The following THY1 variants were observed in gnomAD, a reference collection of about 807,000 sequenced individuals.
THY1 encodes Thy-1 cell surface antigen, also known as thy-1 membrane glycoprotein.
In THY1, 10 loss-of-function variants were observed where a neutral mutation model predicts 14.9. The ratio of observed to expected loss-of-function variants is 0.67; its 90% CI spans 0.41 to 1.14. The LOEUF is 1.14. Among genes scored for constraint, THY1 ranks in the 50% most tolerant of loss-of-function variants. The probability of loss-of-function intolerance (pLI) is 0.00; values close to 1 mark genes in which losing one functional copy is unlikely to be tolerated. For missense variants in THY1, 159 were observed against 202.1 expected (o/e 0.79, Z 1.29); for synonymous variants, 80 against 90.0 (o/e 0.89, Z 0.63).
Position 119,417,241 on chromosome 11 carries a change from C to T in THY1, c.*2167G>A. The T allele has an allele frequency of 6.6e-6, 1 of 152,454 alleles. No homozygotes were observed. The highest frequency in any genetic ancestry group is 1.5e-5 in the Non-Finnish European group (1 of 68,150). 9.4% of individuals were successfully genotyped at this position (152,454 alleles called of 1,614,324 possible). On this transcript the variant is annotated 3_prime_UTR_variant, in exon 4 of 4. Transcript: ENST00000284240. ...CTCCCCTTGGAGAGCTCTGGGCTGG[C>T]AGCATCTTGCTAAGGGGTTGTCAGC... is the stretch of plus-strand genomic sequence containing the variant.
rs1047395510 is a variant in THY1 at position 119,419,477 on chromosome 11, G to A, written c.417C>T (p.Asn139=). 3 of 1,613,820 alleles carry A rather than the reference G, an allele frequency of 1.9e-6. No individual in the cohort carries two copies. Among genetic ancestry groups the A allele is most frequent in the Admixed American group, 1.7e-5 (1 of 60,028 alleles). Residue 139 remains asparagine (N), a synonymous_variant, in exon 4 of 4, where the codon AAC becomes AAT. Transcript: ENST00000284240. Reference sequence around the variant, plus strand: ...GCAGGAGCAGCAGCAGCCACGAGGTGTTCTGAGCCAGCAGGCTGATGCCCT... The same window carrying A: ...GCAGGAGCAGCAGCAGCCACGAGGTATTCTGAGCCAGCAGGCTGATGCCCT... ...KCEGISLLAQ[N]TSWLLLLLLS...
chr11:119,419,184 A>G lies in THY1; in HGVS notation c.*224T>C. The G allele has an allele frequency of 1.8e-6, 1 of 561,322 alleles. No individual in the cohort carries two copies. The highest frequency in any genetic ancestry group is 3.3e-6 in the Non-Finnish European group (1 of 298,582). The allele number at this position is 561,322 out of a possible 1,614,324, so 34.8% of individuals were successfully genotyped here. On this transcript the variant is annotated 3_prime_UTR_variant, in exon 4 of 4. Transcript: ENST00000284240. ...ATAAACCAGACAGAAGCAGCTCTGG[A>G]ACAAAAAGTACAAAAAGACAGCCAG... is the stretch of plus-strand genomic sequence containing the variant.
rs1214558161 is a variant in THY1 at position 119,417,987 on chromosome 11, C to T, written c.*1421G>A. 1 of 152,214 alleles carries T rather than the reference C, an allele frequency of 6.6e-6. No individual in the cohort carries two copies. Among genetic ancestry groups the T allele is most frequent in the Non-Finnish European group, 1.5e-5 (1 of 68,064 alleles). The allele number at this position is 152,214 out of a possible 1,614,324, so 9.4% of individuals were successfully genotyped here. A position where few individuals can be genotyped will look rare whatever the true frequency, so the allele number is the denominator to read the frequency against. On this transcript the variant is annotated 3_prime_UTR_variant, in exon 4 of 4. Transcript: ENST00000284240. The stretch of plus-strand genomic sequence containing the variant: ...TTCGTTTATTTGGGCAAATGTGTCT[C>T]GTTAGGGTCATTCTGAAAAGAAGCC...
chr11:119,423,299 G>C, upstream of THY1: 2 of 335,204 alleles, frequency 6.0e-6, no homozygotes, highest in Admixed American at 4.0e-5. Context: ...GGGGGGTGGG[G>C]AAGGAAGAGA....
rs1046325637 is a variant in THY1, at chr11:119,416,462, C to T, written c.*2946G>A. Among the ~76,000 whole-genome samples, 2 of 152,102 alleles carry T rather than the reference C, an allele frequency of 1.3e-5. No homozygotes were observed. Among genetic ancestry groups the T allele is most frequent in the Non-Finnish European group, 2.9e-5 (2 of 68,006 alleles). Reference sequence around the variant, plus strand: ...CTCCCAGTCCTCAGCATGGTCATTCCGGGTAGGTTTATTTTATTTTTTATT... The same window carrying T: ...CTCCCAGTCCTCAGCATGGTCATTCTGGGTAGGTTTATTTTATTTTTTATT... On this transcript the variant is annotated 3_prime_UTR_variant, in exon 4 of 4. Transcript: ENST00000284240.
upstream of THY1, chr11:119,423,854 C>T (rs368935491): frequency 2.6e-5 from 4 of 152,842 alleles, no homozygotes; most frequent in African/African-American, 7.2e-5. Flanking sequence ...CTGGCACCTT[C>T]TGGTCCAGAC....
At chr11:119,423,186 A>AG (rs1861947533), upstream of THY1, 1 of 452,560 alleles carries the variant, frequency 2.2e-6, no homozygotes, top group South Asian at 1.6e-5. Context: ...CCCAGCTCGG[A>AG]GCCCGCAGTT....
chr11:119,419,278 T>C lies in THY1; in HGVS notation c.*130A>G, dbSNP rs1294828945. The C allele has an allele frequency of 1.2e-6, 1 of 810,294 alleles. No homozygotes were observed. The highest frequency in any genetic ancestry group is 1.5e-5 in the South Asian group (1 of 68,610). The allele number at this position is 810,294 out of a possible 1,614,324, so 50.2% of individuals were successfully genotyped here. On this transcript the variant is annotated 3_prime_UTR_variant, in exon 4 of 4. Transcript: ENST00000284240. ...TAATCGCATGCAGCACTGGAACTCCTGATGAGGGGTGGGGTCCCCACTTCT... is the reference window on the plus strand; with the variant it reads ...TAATCGCATGCAGCACTGGAACTCCCGATGAGGGGTGGGGTCCCCACTTCT...
chr11:119,420,334 C>T lies in THY1; in HGVS notation c.90G>A (p.Val30=), dbSNP rs1861874494. The change falls in exon 3 of 4, where the codon GTG becomes GTA. Residue 30 remains valine, a synonymous_variant. Coordinates refer to ENST00000284240, the MANE Select transcript of THY1 (RefSeq NM_006288.5). ...GGCAGTCCAGACGAAGGCTCTGGTCCACTAGGCAGGCCGTTAGGCTGGTCA... is the reference window on the plus strand; with the variant it reads ...GGCAGTCCAGACGAAGGCTCTGGTCTACTAGGCAGGCCGTTAGGCTGGTCA... ...QKVTSLTACL[V]DQSLRLDCRH... The T allele has an allele frequency of 6.2e-7, 1 of 1,614,044 alleles. No individual in the cohort carries two copies. The highest frequency in any genetic ancestry group is 1.1e-5 in the South Asian group (1 of 91,086).
intron 1 of THY1, chr11:119,421,544 T>C (rs1415866965): frequency 1.3e-5 from 2 of 152,228 alleles, no homozygotes; most frequent in Non-Finnish European, 2.9e-5. Context: ...TACTGGCATA[T>C]AGCATACACT....
At chr11:119,419,833 A>G (rs1399931979) in intron 3 of THY1, 4 of 635,586 alleles carry the variant, frequency 6.3e-6, no homozygotes, top group Non-Finnish European at 1.1e-5. Context: ...GGCCTTGCCC[A>G]CAGTTCTGGT....
chr11:119,423,074 G>C lies in THY1; in HGVS notation c.-25+39C>G, dbSNP rs560285106. 8.8e-6 allele frequency: 4 copies of C among 456,048 alleles called. No individual in the cohort carries two copies. The East Asian group carries it at 2.8e-4, about 32-fold the overall frequency. 28.3% of individuals were successfully genotyped at this position (456,048 alleles called of 1,614,324 possible). On this transcript the variant is annotated intron_variant, in intron 1 of 3. Coordinates refer to ENST00000284240, the MANE Select transcript of THY1 (RefSeq NM_006288.5). ...AAGTCTTGCATGGGCGCCTGACGGC[G>C]GTCCCCGAGCCCCAGGTCCCACCGG... is the stretch of plus-strand genomic sequence containing the variant.
chr11:119,419,291 G>T lies in THY1; in HGVS notation c.*117C>A, dbSNP rs1297387875. The T allele has an allele frequency of 9.7e-6, 9 of 925,294 alleles. No individual in the cohort carries two copies. The highest frequency in any genetic ancestry group is 1.6e-5 in the Non-Finnish European group (9 of 576,514). The allele number at this position is 925,294 out of a possible 1,614,324, so 57.3% of individuals were successfully genotyped here. A position where few individuals can be genotyped will look rare whatever the true frequency, so the allele number is the denominator to read the frequency against. Reference sequence around the variant, plus strand: ...CACTGGAACTCCTGATGAGGGGTGGGGTCCCCACTTCTCCTCAAGGTTTGA... The same window carrying T: ...CACTGGAACTCCTGATGAGGGGTGGTGTCCCCACTTCTCCTCAAGGTTTGA... On this transcript the variant is annotated 3_prime_UTR_variant, in exon 4 of 4. Coordinates refer to ENST00000284240, the MANE Select transcript of THY1 (RefSeq NM_006288.5).
rs1861794897 is a variant in THY1 at position 119,417,184 on chromosome 11, G to A, written c.*2224C>T. 6.6e-6 allele frequency among the ~76,000 whole-genome samples: 1 copy of A among 152,212 alleles called. No individual in the cohort carries two copies. The highest frequency in any genetic ancestry group is 2.4e-5 in the African/African-American group (1 of 41,448). The stretch of plus-strand genomic sequence containing the variant: ...CGGCGCTTGCAGCCCAAGCAGGGCT[G>A]AAGGAGAGGGGCCTGAGTCTCAGGG... On this transcript the variant is annotated 3_prime_UTR_variant, in exon 4 of 4. Coordinates refer to ENST00000284240, the MANE Select transcript of THY1 (RefSeq NM_006288.5).
At chr11:119,423,310 A>T, upstream of THY1, 1 of 392,292 alleles carries the variant, frequency 2.5e-6, no homozygotes, top group Non-Finnish European at 5.2e-6. Flanking sequence ...AAGGAAGAGA[A>T]GGCGGTCCCG....
upstream of THY1, chr11:119,423,276 G>A: frequency 2.7e-6 from 1 of 370,946 alleles, no homozygotes; most frequent in Non-Finnish European, 5.4e-6. Flanking sequence ...GAGAAAGGAC[G>A]GCAGGGTGGG....
Position 119,416,840 on chromosome 11 carries a change from G to A in THY1, c.*2568C>T, listed in dbSNP as rs77295449. ...TCCGTGGCCCTCTGGTGGCCTCTGT[G>A]GCTTCTTGAGCTAATCTCACCCACT... On this transcript the variant is annotated 3_prime_UTR_variant, in exon 4 of 4. Transcript: ENST00000284240. Among the ~76,000 whole-genome samples, 5,687 of 152,228 alleles carry A rather than the reference G, an allele frequency of 0.037. 352 individuals are homozygous for A. The highest frequency in any genetic ancestry group is 0.13 in the African/African-American group (5,249 of 41,518).
upstream of THY1, chr11:119,424,977 C>T (rs1044821039): frequency 6.6e-6 from 1 of 152,280 alleles, no homozygotes; most frequent in Non-Finnish European, 1.5e-5. Flanking sequence ...TAACAGCTTT[C>T]TGATTCTGAG....
upstream of THY1, chr11:119,423,188 C>A (rs1057244476): frequency 1.5e-5 from 7 of 455,096 alleles, no homozygotes; most frequent in Non-Finnish European, 1.8e-5. Flanking sequence ...CAGCTCGGAG[C>A]CCGCAGTTTT....
Sources: gnomAD v4.1 joint callset for allele counts (sites outside exome capture counted in the v4.1 genomes callset) on GRCh38, gnomAD v4.1.1 for gene constraint, MANE v1.5 for transcripts, NCBI Gene and HGNC (gene_info 2026-07-23, HGNC 2026-07-21) for gene names.